The following MAN2B2 variants were observed in gnomAD, a reference collection of about 807,000 sequenced individuals.
The protein encoded by MAN2B2 is epididymis-specific alpha-mannosidase.
Under a neutral mutation model 117.1 loss-of-function variants are expected in MAN2B2, and 106 were observed. The ratio of observed to expected loss-of-function variants is 0.90; its 90% CI spans 0.77 to 1.06. MAN2B2 has a LOEUF of 1.06. MAN2B2 is among the 50% of genes least tolerant of loss of function. MAN2B2 has a pLI of 0.00. For missense variants in MAN2B2, 1,326 were observed against 1,381.4 expected, an observed-to-expected ratio of 0.96 and a Z score of 0.64; for synonymous variants, 544 against 595.1, an observed-to-expected ratio of 0.91 and a Z score of 1.25.
chr4:6,616,678 G>A (rs1711889661), intron 16 of MAN2B2, among the ~76,000 whole-genome samples: 2 of 152,198 alleles, frequency 1.3e-5, no homozygotes, highest in Non-Finnish European at 2.9e-5. Flanking sequence ...GGCAGGGTAG[G>A]AGAGACTGGA....
At chr4:6,576,763 C>G in intron 2 of MAN2B2, 39 bp downstream of exon 2, 1 of 1,605,582 alleles carries the variant, frequency 6.2e-7, no homozygotes, top group Non-Finnish European at 8.5e-7. Context: ...GCCCAGTATC[C>G]TGGCAAAGAC....
chr4:6,596,599 G>T (rs1297853021), intron 7 of MAN2B2, among the ~76,000 whole-genome samples: 3 of 152,080 alleles, frequency 2.0e-5, no homozygotes, highest in Non-Finnish European at 4.4e-5. Context: ...CTGAGCCCTT[G>T]CTGCCTCCTA....
intron 13 of MAN2B2, 80 bp from the exon 14 acceptor site, chr4:6,610,800 G>C: frequency 8.2e-7 from 1 of 1,212,166 alleles, no homozygotes. Context: ...GGGAGCACCA[G>C]CTGGGGTGGC....
At position 6,611,089 on chromosome 4, in the gene MAN2B2, A is replaced by G. The variant is rs371182314; in HGVS notation, c.2374A>G (p.Met792Val). 185 of 1,612,952 alleles carry G rather than the reference A, an allele frequency of 1.1e-4. No individual in the cohort carries two copies. The highest frequency in any genetic ancestry group is 1.6e-4 in the Middle Eastern group (1 of 6,080). The change falls in exon 15 of 19, where the codon ATG becomes GTG. Residue 792 changes from methionine to valine, a missense_variant. Coordinates refer to ENST00000285599, the MANE Select transcript of MAN2B2 (RefSeq NM_015274.3). ...SSQGNGQVEV[M>V]LHRRLWNNFD... ...CTCGGACAATGCCTTCCCGCAGGTCATGCTCCACCGGCGGCTGTGGAACAA... is the reference window on the plus strand; with the variant it reads ...CTCGGACAATGCCTTCCCGCAGGTCGTGCTCCACCGGCGGCTGTGGAACAA...
intron 16 of MAN2B2, among the ~76,000 whole-genome samples, chr4:6,614,969 CTT>C (rs547665744): frequency 1.3e-4 from 20 of 152,368 alleles, no homozygotes; most frequent in African/African-American, 4.6e-4. Flanking sequence ...TGGGAACTGA[CTT>C]GTCCTGTTGC....
chr4:6,578,223 T>C (rs970362500), intron 2 of MAN2B2, among the ~76,000 whole-genome samples, 170 bp from the exon 3 acceptor site: 3 of 152,194 alleles, frequency 2.0e-5, no homozygotes, highest in Non-Finnish European at 4.4e-5. Context: ...GATTTCTAGG[T>C]GGTGGGAACA....
chr4:6,579,096 C>T (rs1256694628), intron 3 of MAN2B2, among the ~76,000 whole-genome samples: 2 of 60,258 alleles, frequency 3.3e-5, no homozygotes, highest in South Asian at 6.4e-4. Context: ...ATCACCATCA[C>T]CAGCACCACC....
intron 1 of MAN2B2, 50 bp downstream of exon 1, chr4:6,575,398 C>A: frequency 1.4e-6 from 2 of 1,382,910 alleles, no homozygotes; most frequent in Non-Finnish European, 1.9e-6. Flanking sequence ...GCTTCCCTCT[C>A]CCCGCGGGAT....
intron 15 of MAN2B2, 112 bp downstream of exon 15, chr4:6,611,390 G>T: frequency 8.8e-7 from 1 of 1,138,706 alleles, no homozygotes; most frequent in South Asian, 1.6e-5. Flanking sequence ...TTTTGGGCAG[G>T]AAGCGACCTC....
At chr4:6,579,376 C>A (rs1011160704) in intron 3 of MAN2B2, among the ~76,000 whole-genome samples, 12 of 80,740 alleles carry the variant, frequency 1.5e-4, no homozygotes, top group Non-Finnish European at 2.8e-4. Context: ...ATCACCACCA[C>A]CACCACTACC....
chr4:6,593,377 C>A (rs779882489), intron 6 of MAN2B2, 27 bp downstream of exon 6: 1 of 1,596,450 alleles, frequency 6.3e-7, no homozygotes, highest in East Asian at 2.3e-5. Flanking sequence ...GGTGCTGTGC[C>A]CTCAACACAG....
intron 11 of MAN2B2, among the ~76,000 whole-genome samples, chr4:6,606,802 A>AG (rs959319533): frequency 2.2e-4 from 33 of 152,176 alleles, no homozygotes; most frequent in African/African-American, 8.0e-4. Context: ...CGAAGGGCAT[A>AG]GGGGAGGTTG....
Position 6,621,214 on chromosome 4 carries a change from C to T in MAN2B2, c.2959C>T (p.Pro987Ser). The T allele has an allele frequency of 6.2e-7, 1 of 1,614,086 alleles. No homozygotes were observed. The highest frequency in any genetic ancestry group is 8.5e-7 in the Non-Finnish European group (1 of 1,179,976). The change falls in exon 19 of 19, where the codon CCA (proline) becomes TCA (serine). Residue 987 changes from proline (P) to serine (S), a missense_variant. Coordinates refer to ENST00000285599, the MANE Select transcript of MAN2B2 (RefSeq NM_015274.3). ...TGACACCACCTCTCCCTCGAGGCCA[C>T]CAGGAGGCCCCATCATCACCGTCCA... ...RGDTTSPSRP[P>S]GGPIITVHPK...
rs567950860 is a variant in MAN2B2 at position 6,610,646 on chromosome 4, G to T, written c.2260-234G>T. 7.2e-5 allele frequency among the ~76,000 whole-genome samples: 11 copies of T among 152,362 alleles called. No homozygotes were observed. The Middle Eastern group carries it at 0.014, about 188-fold the overall frequency. ...AAAGGGTCATTCTGAGGATCCATGA[G>T]ATGATGCGTGGCCAGGGCTTGGCCA... is the stretch of plus-strand genomic sequence containing the variant. On this transcript the variant is annotated intron_variant, in intron 13 of 18. Coordinates refer to ENST00000285599, the MANE Select transcript of MAN2B2 (RefSeq NM_015274.3).
chr4:6,579,063 TCACCATCACCAC>T (rs1726202554), intron 3 of MAN2B2, among the ~76,000 whole-genome samples: 18 of 33,214 alleles, frequency 5.4e-4, no homozygotes, highest in African/African-American at 2.0e-3. Context: ...ACCACCACCA[TCACCATCACCAC>T]CACCACCACC....
In MAN2B2 at chr4:6,575,198, G is replaced by C; in HGVS notation, c.-13G>C. The C allele has an allele frequency of 7.1e-7, 1 of 1,416,482 alleles. No homozygotes were observed. The highest frequency in any genetic ancestry group is 9.6e-7 in the Non-Finnish European group (1 of 1,045,582). 87.7% of individuals were successfully genotyped at this position (1,416,482 alleles called of 1,614,324 possible). A position where few individuals can be genotyped will look rare whatever the true frequency, so the allele number is the denominator to read the frequency against. ...CGGAAGTGGGCCTGGCACCTTCCCGGCCTGCCGCAGGGATGGGGCAGCTGT... is the reference window on the plus strand; with the variant it reads ...CGGAAGTGGGCCTGGCACCTTCCCGCCCTGCCGCAGGGATGGGGCAGCTGT... On this transcript the variant is annotated 5_prime_UTR_variant, in exon 1 of 19. Transcript: ENST00000285599.
rs1727667914 is a variant in MAN2B2, at chr4:6,609,240, G to A, written c.1948G>A (p.Val650Met). Residue 650 changes from valine to methionine, a missense_variant, in exon 12 of 19, where the codon GTG becomes ATG. Transcript: ENST00000285599. ...GGCCGCGGTGCCTGCGTGGGAAGCT[G>A]TGGAAATGGAGATTGTGGCGGGACA... ...GKAAVPAWEA[V>M]EMEIVAGQLV... 4.3e-6 allele frequency: 7 copies of A among 1,614,240 alleles called. No homozygotes were observed. The highest frequency in any genetic ancestry group is 2.2e-5 in the South Asian group (2 of 91,086).
intron 3 of MAN2B2, among the ~76,000 whole-genome samples, chr4:6,586,080 ACTCTGTCACCC>A (rs1726623918): frequency 1.4e-5 from 2 of 147,304 alleles, no homozygotes; most frequent in Non-Finnish European, 3.0e-5. Context: ...ACAGAGTCTC[ACTCTGTCACCC>A]AGGCTGAAGT....
In MAN2B2 at chr4:6,614,342, G is replaced by GA. The variant is rs1711749803; in HGVS notation, c.2690dup (p.Asn897LysfsTer13). 6.2e-7 allele frequency: 1 copy of GA among 1,613,846 alleles called. No homozygotes were observed. Among genetic ancestry groups the GA allele is most frequent in the African/African-American group, 1.3e-5 (1 of 74,924 alleles). ...GCTCCAACCACACGGAGCACTCTCA[G>GA]AATCTCCGGAAAGGTGAGGCAGGTG... On this transcript the variant is annotated frameshift_variant, in exon 16 of 19. Transcript: ENST00000285599. LOFTEE classifies it high-confidence loss of function.
Sources: allele counts gnomAD v4.1 joint callset (sites outside exome capture counted in the v4.1 genomes callset), GRCh38; gene constraint gnomAD v4.1.1; transcripts MANE v1.5; gene names NCBI Gene and HGNC (gene_info 2026-07-23, HGNC 2026-07-21).